The following BBX variants were observed in gnomAD, a reference collection of about 807,000 sequenced individuals.
BBX encodes the protein BBX high mobility group box domain containing, also known as HMG box transcription factor BBX.
Under a neutral mutation model 100.2 loss-of-function variants are expected in BBX, and 30 were observed. The observed-to-expected ratio is 0.30, with a 90% CI of 0.22 to 0.41. The LOEUF is 0.41. BBX is among the 10% of genes least tolerant of loss of function. BBX has a pLI of 1.00. For synonymous variants in BBX, 376 were observed against 388.1 expected (o/e 0.97, Z 0.37); for missense variants, 1,023 against 1,129.8 (o/e 0.91, Z 1.35).
chr3:107,737,249 C>G (rs530343934), intron 7 of BBX, among the ~76,000 whole-genome samples: 2 of 152,050 alleles, frequency 1.3e-5, no homozygotes, highest in African/African-American at 4.8e-5. Context: ...TAAATTATAT[C>G]AGACATTTCT....
intron 2 of BBX, among the ~76,000 whole-genome samples, chr3:107,643,968 C>T (rs1486982429): frequency 2.0e-5 from 3 of 152,108 alleles, no homozygotes; most frequent in East Asian, 1.9e-4. Flanking sequence ...ATGATTCCTT[C>T]GTTATTTTAA....
chr3:107,575,347 A>G (rs1007172413), intron 2 of BBX, among the ~76,000 whole-genome samples: 1 of 152,086 alleles, frequency 6.6e-6, no homozygotes, highest in Non-Finnish European at 1.5e-5. Context: ...TTTTTTTGAC[A>G]TTCTCTTATT....
chr3:107,623,709 A>T (rs1324931633), intron 2 of BBX, among the ~76,000 whole-genome samples: 1 of 152,204 alleles, frequency 6.6e-6, no homozygotes, highest in African/African-American at 2.4e-5. Flanking sequence ...AGAAGGGGTC[A>T]TGAAAGTGAA....
chr3:107,591,112 G>A (rs2053273464), intron 2 of BBX, among the ~76,000 whole-genome samples: 1 of 152,112 alleles, frequency 6.6e-6, no homozygotes, highest in Admixed American at 6.5e-5. Flanking sequence ...TTTCCCCCCA[G>A]TCTTAAGTAT....
At chr3:107,782,772 T>C (rs928068515) in intron 13 of BBX, among the ~76,000 whole-genome samples, 1 of 152,084 alleles carries the variant, frequency 6.6e-6, no homozygotes, top group Non-Finnish European at 1.5e-5. Context: ...AGAATACGGG[T>C]CATCTGCCCA....
intron 7 of BBX, 52 bp from the exon 8 acceptor site, chr3:107,744,578 C>A: frequency 1.4e-6 from 2 of 1,400,652 alleles, no homozygotes; most frequent in Admixed American, 1.7e-5. Context: ...TAAATGTTTA[C>A]CTAACACAGT....
chr3:107,802,919 G>C (rs889838288), intron 17 of BBX, among the ~76,000 whole-genome samples: 1 of 152,142 alleles, frequency 6.6e-6, no homozygotes, highest in Non-Finnish European at 1.5e-5. Context: ...CAGTCCTCCT[G>C]ATGCCCTAGG....
intron 2 of BBX, among the ~76,000 whole-genome samples, chr3:107,641,453 C>T (rs2057207259): frequency 6.6e-6 from 1 of 152,132 alleles, no homozygotes; most frequent in Admixed American, 6.6e-5. Context: ...ATTTGCAAAT[C>T]TTTCATCTGC....
chr3:107,661,898 A>T, intron 3 of BBX: 2 of 985,156 alleles, frequency 2.0e-6, no homozygotes, highest in Non-Finnish European at 2.4e-6. Flanking sequence ...GATGTGGAGG[A>T]TTCACTGGGA....
intron 16 of BBX, 28 bp downstream of exon 16, chr3:107,798,748 G>A (rs757275817): frequency 6.2e-7 from 1 of 1,604,568 alleles, no homozygotes; most frequent in East Asian, 2.2e-5. Context: ...TAGACCAGAG[G>A]TGTCCAATCT....
intron 10 of BBX, among the ~76,000 whole-genome samples, chr3:107,760,318 C>G (rs565790566): frequency 7.2e-5 from 11 of 152,228 alleles, no homozygotes; most frequent in Non-Finnish European, 1.3e-4. Flanking sequence ...GTATGTGTGG[C>G]TGAATAAGAT....
chr3:107,607,418 T>TTG (rs965389532), intron 2 of BBX, among the ~76,000 whole-genome samples: 2 of 152,160 alleles, frequency 1.3e-5, no homozygotes, highest in Non-Finnish European at 2.9e-5. Context: ...TAGTATTCCA[T>TTG]TGTGTGTGTG....
At chr3:107,578,813 T>G (rs958134543) in intron 2 of BBX, among the ~76,000 whole-genome samples, 1 of 152,130 alleles carries the variant, frequency 6.6e-6, no homozygotes, top group Non-Finnish European at 1.5e-5. Flanking sequence ...CCAAGGGGAA[T>G]GTGGACCTGT....
intron 13 of BBX, among the ~76,000 whole-genome samples, chr3:107,787,325 T>G (rs925749490): frequency 4.6e-5 from 7 of 152,100 alleles, no homozygotes; most frequent in African/African-American, 1.7e-4. Flanking sequence ...AACAATCCAT[T>G]AAATGGAATA....
At position 107,773,161 on chromosome 3, in the gene BBX, A is replaced by T; in HGVS notation, c.1440A>T (p.Glu480Asp). ...KKTCKKRQSS[E>D]SDIESVIYTI... is the part of the protein sequence containing the mutation. ...CTTGCAAAAAGAGGCAGTCTTCGGA[A>T]TCTGACATTGAGAGCGTCATATATA... Residue 480 changes from glutamate (E) to aspartate (D), a missense_variant, in exon 11 of 18, where the codon GAA becomes GAT. Around this residue, in one of 9 missense-constraint regions of BBX, gnomAD observed 348 missense variants for 353.2 expected, o/e 0.99. Coordinates refer to ENST00000325805, the MANE Select transcript of BBX (RefSeq NM_001142568.3). This position sits in a 1 kb window ranked among gnomAD's most constrained non-coding sequence, Gnocchi z 4.1. 6.2e-7 allele frequency: 1 copy of T among 1,614,160 alleles called. No individual in the cohort carries two copies. The highest frequency in any genetic ancestry group is 1.1e-5 in the South Asian group (1 of 91,078).
intron 3 of BBX, among the ~76,000 whole-genome samples, chr3:107,650,497 T>C (rs1394392681): frequency 6.6e-6 from 1 of 152,168 alleles, no homozygotes; most frequent in Non-Finnish European, 1.5e-5. Flanking sequence ...TCTATTGACG[T>C]TGTCCCCTTG....
intron 9 of BBX, among the ~76,000 whole-genome samples, chr3:107,753,940 TTAAAGA>T (rs2065268744): frequency 6.6e-6 from 1 of 152,234 alleles, no homozygotes; most frequent in South Asian, 2.1e-4. Flanking sequence ...TTATTAAGTG[TTAAAGA>T]TAAATCATTA....
rs186441581 is a variant in BBX at position 107,641,007 on chromosome 3, T to C, written c.-83-4829T>C. 5.6e-3 allele frequency among the ~76,000 whole-genome samples: 859 copies of C among 152,184 alleles called. 12 individuals carry two copies. The highest frequency in any genetic ancestry group is 0.02 in the African/African-American group (830 of 41,524). On this transcript the variant is annotated intron_variant, in intron 2 of 17. Coordinates refer to ENST00000325805, the MANE Select transcript of BBX (RefSeq NM_001142568.3). ...GTTAATGCATAGGAGGTTAGTAATT[T>C]CCCAAACAGTAAAAGGCTACATCAT...
At chr3:107,539,825 AC>A (rs2048748809) in intron 2 of BBX, among the ~76,000 whole-genome samples, 1 of 152,186 alleles carries the variant, frequency 6.6e-6, no homozygotes, top group Admixed American at 6.5e-5. Flanking sequence ...TGAGAATCTC[AC>A]TTTGGAGACC....
Sources: gnomAD v4.1 joint callset for allele counts (sites outside exome capture counted in the v4.1 genomes callset) on GRCh38, gnomAD v4.1.1 for gene constraint, gnomAD v4.1.1 regional missense constraint, Gnocchi (gnomAD v3.1) non-coding constraint, MANE v1.5 for transcripts, NCBI Gene and HGNC (gene_info 2026-07-23, HGNC 2026-07-21) for gene names.